Variants in RAB14 observed in about 807,000 individuals in gnomAD.
The protein encoded by RAB14 is RAB14, member RAS oncogene family.
RAB14 carries 3 observed loss-of-function variants against 31.1 expected under a neutral mutation model. That is an observed-to-expected ratio of 0.10 (90% CI 0.04 to 0.25). RAB14 has a LOEUF of 0.25. RAB14 is among the 10% of genes least tolerant of loss of function. The pLI is 1.00. For synonymous variants in RAB14, 85 were observed against 84.9 expected, an observed-to-expected ratio of 1.00 and a Z score of 0.00; for missense variants, 111 against 260.1, an observed-to-expected ratio of 0.43 and a Z score of 3.94.
chr9:121,183,472 C>A, intron 5 of RAB14, 74 bp from the exon 6 acceptor site: 1 of 1,194,714 alleles, frequency 8.4e-7, no homozygotes, highest in East Asian at 2.3e-5. Context: ...ATTCTGAAAT[C>A]CAAAAATCTT....
chr9:121,182,867 T>C (rs2053640525), intron 7 of RAB14, 63 bp downstream of exon 7: 3 of 1,411,612 alleles, frequency 2.1e-6, no homozygotes, highest in Non-Finnish European at 3.0e-6. Context: ...ACTTTTCATA[T>C]ATACGGTTCT....
intron 4 of RAB14, among the ~76,000 whole-genome samples, chr9:121,189,798 A>G (rs1346283912): frequency 6.6e-6 from 1 of 152,076 alleles, no homozygotes; most frequent in African/African-American, 2.4e-5. Context: ...GCCCATCTTT[A>G]CCCCCAAGAA....
chr9:121,182,986 T>G, intron 6 of RAB14, 26 bp from the exon 7 acceptor site: 2 of 1,598,372 alleles, frequency 1.3e-6, no homozygotes, highest in Non-Finnish European at 1.7e-6. Flanking sequence ...AGACTATAAT[T>G]AGGACACTTC....
chr9:121,188,478 A>G (rs1048358432), intron 4 of RAB14, among the ~76,000 whole-genome samples: 3 of 151,506 alleles, frequency 2.0e-5, no homozygotes, highest in Admixed American at 2.0e-4. Context: ...AATATTCACT[A>G]TAATTATAAT....
At chr9:121,196,162 A>C (rs1396013022) in intron 1 of RAB14, among the ~76,000 whole-genome samples, 1 of 152,110 alleles carries the variant, frequency 6.6e-6, no homozygotes, top group Admixed American at 6.6e-5. Context: ...GAGCCCACTT[A>C]ACATTACAAT....
At chr9:121,190,234 C>T (rs1221024854) in intron 4 of RAB14, among the ~76,000 whole-genome samples, 3 of 152,046 alleles carry the variant, frequency 2.0e-5, no homozygotes, top group Admixed American at 6.6e-5. Flanking sequence ...GAGTTGCTTG[C>T]TTTCTACTTA....
chr9:121,186,123 AGTGT>A (rs985532219), intron 5 of RAB14, among the ~76,000 whole-genome samples: 1 of 152,122 alleles, frequency 6.6e-6, no homozygotes, highest in Non-Finnish European at 1.5e-5. Flanking sequence ...GTCACAGCTC[AGTGT>A]GTCTTTCCTC....
chr9:121,201,092 G>T (rs2132034799), intron 1 of RAB14, among the ~76,000 whole-genome samples: 1 of 152,156 alleles, frequency 6.6e-6, no homozygotes, highest in East Asian at 1.9e-4. Context: ...TGCAGGGCCG[G>T]GCTCCCCACA....
rs774895313 is a variant in RAB14, at chr9:121,195,666, G to A, written c.-7-2247C>T. On this transcript the variant is annotated intron_variant, in intron 1 of 7. Coordinates refer to ENST00000373840, the MANE Select transcript of RAB14 (RefSeq NM_016322.4). ...ATTTCGGATTTAATACCAGGGCTCT[G>A]TCTCACCACACCACACATTTTTCTT... Among the ~76,000 whole-genome samples, 3 of 152,038 alleles carry A rather than the reference G, an allele frequency of 2.0e-5. No homozygotes were observed. The East Asian group carries it at 5.8e-4, about 29-fold the overall frequency.
Position 121,192,227 on chromosome 9 carries a change from G to T in RAB14, c.53-3C>A. The stretch of plus-strand genomic sequence containing the variant: ...AGATTTTCCTACTCCCATGTCCCCT[G>T]TTTAAAAAAAAAGAAGTTTCAGGTG... On this transcript the variant is annotated splice_region_variant and splice_polypyrimidine_tract_variant and intron_variant, in intron 2 of 7. Coordinates refer to ENST00000373840, the MANE Select transcript of RAB14 (RefSeq NM_016322.4). 1 of 1,582,108 alleles carries T rather than the reference G, an allele frequency of 6.3e-7. No individual in the cohort carries two copies.
chr9:121,191,419 C>G (rs1296584036), intron 3 of RAB14, among the ~76,000 whole-genome samples: 1 of 152,080 alleles, frequency 6.6e-6, no homozygotes, highest in East Asian at 1.9e-4. Flanking sequence ...CTCACTGTAA[C>G]CTCGAACTTC....
chr9:121,201,124 C>T (rs912294513), intron 1 of RAB14, among the ~76,000 whole-genome samples: 11 of 152,080 alleles, frequency 7.2e-5, no homozygotes, highest in Non-Finnish European at 1.3e-4. Context: ...ACCGGAGCTG[C>T]CCCGAGACGC....
chr9:121,188,976 CAA>C (rs1333061441), intron 4 of RAB14, among the ~76,000 whole-genome samples: 1 of 152,202 alleles, frequency 6.6e-6, no homozygotes, highest in Non-Finnish European at 1.5e-5. Context: ...CATCCTCTGG[CAA>C]TCCACTTTCT....
chr9:121,197,835 G>A lies in RAB14; in HGVS notation c.-8+3804C>T, dbSNP rs75293052. Among the ~76,000 whole-genome samples, 757 of 152,144 alleles carry A rather than the reference G, an allele frequency of 5.0e-3. 36 individuals carry two copies. In the East Asian group the frequency reaches 0.11, roughly 23 times the overall value. ...GTGCATTTAATGCACCATTTTTACA[G>A]CAAAAAACTGGAAATAATCAGCAAA... On this transcript the variant is annotated intron_variant, in intron 1 of 7. Transcript: ENST00000373840.
rs758327784 is a variant in RAB14 at position 121,181,392 on chromosome 9, G to GTCAC, written c.648_*3dup. 7 of 1,590,062 alleles carry GTCAC rather than the reference G, an allele frequency of 4.4e-6. No individual in the cohort carries two copies. The African/African-American group carries it at 9.4e-5, about 21-fold the overall frequency. The stretch of plus-strand genomic sequence containing the variant: ...TCAAATGAGGGGCCACAGCAAAGAG[G>GTCAC]TCACTAGCAGCCACAGCCTTCTCTC... On this transcript the variant is annotated 3_prime_UTR_variant, in exon 8 of 8. Coordinates refer to ENST00000373840, the MANE Select transcript of RAB14 (RefSeq NM_016322.4).
intron 1 of RAB14, among the ~76,000 whole-genome samples, chr9:121,200,568 G>A (rs1031858142): frequency 1.2e-4 from 19 of 152,180 alleles, no homozygotes; most frequent in Non-Finnish European, 1.2e-4. Flanking sequence ...CAGTGTAGTG[G>A]TTGACTTTAT....
intron 1 of RAB14, among the ~76,000 whole-genome samples, chr9:121,200,553 T>C (rs151282578): frequency 3.3e-5 from 5 of 152,318 alleles, no homozygotes; most frequent in African/African-American, 1.2e-4. Flanking sequence ...AGCATGAGGA[T>C]TTGCCAGTGT....
At chr9:121,181,623 G>A (rs2053633508) in intron 7 of RAB14, 50 bp from the exon 8 acceptor site, 1 of 1,453,454 alleles carries the variant, frequency 6.9e-7, no homozygotes, top group Non-Finnish European at 9.5e-7. Flanking sequence ...TTCTACAAAA[G>A]ACAAGACACT....
intron 1 of RAB14, among the ~76,000 whole-genome samples, chr9:121,195,189 A>C (rs781282717): frequency 6.6e-6 from 1 of 152,152 alleles, no homozygotes; most frequent in Non-Finnish European, 1.5e-5. Context: ...GGGGAAAAGT[A>C]ATCTCTTACA....
Sources: gnomAD v4.1 joint callset for allele counts (sites outside exome capture counted in the v4.1 genomes callset) on GRCh38, gnomAD v4.1.1 for gene constraint, MANE v1.5 for transcripts, NCBI Gene and HGNC (gene_info 2026-07-23, HGNC 2026-07-21) for gene names.